The following ACSF3 variants were observed in gnomAD, a reference collection of about 807,000 sequenced individuals.
ACSF3 encodes acyl-CoA synthetase family member 3, also known as malonate--CoA ligase ACSF3, mitochondrial.
A neutral mutation model predicts 53.2 loss-of-function variants in ACSF3; 78 were observed. The observed-to-expected ratio is 1.47, with a 90% CI of 1.22 to 1.77. The LOEUF (loss-of-function observed/expected upper bound fraction) is 1.77, where lower values mean the gene tolerates loss of function less well. Ranked by LOEUF, ACSF3 falls within the 40% of genes most tolerant of loss-of-function variation. ACSF3 has a pLI of 0.00. For synonymous variants in ACSF3, 414 were observed against 333.1 expected (o/e 1.24, Z -2.65); for missense variants, 937 against 771.1 (o/e 1.22, Z -2.55).
chr16:89,112,491 C>T (rs1312074187), intron 5 of ACSF3, among the ~76,000 whole-genome samples: 3 of 152,106 alleles, frequency 2.0e-5, no homozygotes, highest in African/African-American at 4.8e-5. Flanking sequence ...GTATCGCTCT[C>T]TCTGTCACAC....
chr16:89,099,256 C>T, intron 2 of ACSF3, among the ~76,000 whole-genome samples: 1 of 152,232 alleles, frequency 6.6e-6, no homozygotes, highest in East Asian at 1.9e-4. Context: ...TTGGACCAGC[C>T]CTCACGCGTC....
intron 8 of ACSF3, 144 bp from the exon 9 acceptor site, chr16:89,145,123 G>T: frequency 1.9e-6 from 3 of 1,598,352 alleles, no homozygotes; most frequent in Non-Finnish European, 2.6e-6. Flanking sequence ...CTCCGTTGGG[G>T]TTGCCACAGG....
chr16:89,133,914 G>C (rs1909862566), intron 8 of ACSF3, among the ~76,000 whole-genome samples: 1 of 152,198 alleles, frequency 6.6e-6, no homozygotes, highest in Non-Finnish European at 1.5e-5. Context: ...GAGCCTGCTG[G>C]CAGCCCCCAC....
At chr16:89,116,853 C>G (rs1905210236) in intron 6 of ACSF3, among the ~76,000 whole-genome samples, 1 of 152,178 alleles carries the variant, frequency 6.6e-6, no homozygotes, top group African/African-American at 2.4e-5. Context: ...TCTGGGCTGA[C>G]TCGCGCATCT....
chr16:89,094,978 C>T (rs900167399), intron 1 of ACSF3, among the ~76,000 whole-genome samples: 1 of 152,214 alleles, frequency 6.6e-6, no homozygotes, highest in Non-Finnish European at 1.5e-5. Context: ...AAAGGGAACA[C>T]GTTTAGAGAT....
chr16:89,098,609 G>A lies in ACSF3; in HGVS notation c.-175G>A. 2 of 452,480 alleles carry A rather than the reference G, an allele frequency of 4.4e-6. No homozygotes were observed. The highest frequency in any genetic ancestry group is 8.9e-6 in the Non-Finnish European group (2 of 225,320). 28.0% of individuals were successfully genotyped at this position (452,480 alleles called of 1,614,324 possible). ...TTGACAGGTGTCCCACCGGCCTTCC[G>A]GGTTCCAGCGCCAGGCCTGGTGCCT... On this transcript the variant is annotated 5_prime_UTR_variant, in exon 2 of 11. Transcript: ENST00000614302.
intron 2 of ACSF3, among the ~76,000 whole-genome samples, chr16:89,100,187 T>C (rs931691128): frequency 2.6e-5 from 4 of 152,102 alleles, no homozygotes; most frequent in Admixed American, 1.3e-4. Context: ...TGCGCACCAG[T>C]GTGGGAAGGG....
intron 8 of ACSF3, chr16:89,145,063 G>T (rs1567745391): frequency 7.1e-7 from 1 of 1,416,386 alleles, no homozygotes; most frequent in East Asian, 2.5e-5. Flanking sequence ...CCCACCTTGG[G>T]ACGCACGTCG....
intron 7 of ACSF3, among the ~76,000 whole-genome samples, chr16:89,128,175 G>A (rs572558475): frequency 1.1e-4 from 17 of 151,586 alleles, no homozygotes; most frequent in Non-Finnish European, 1.9e-4. Flanking sequence ...TTTATAATGT[G>A]TACATTTAAT....
In ACSF3 at chr16:89,154,431, G is replaced by A; in HGVS notation, c.*224G>A. On this transcript the variant is annotated 3_prime_UTR_variant, in exon 11 of 11. Coordinates refer to ENST00000614302, the MANE Select transcript of ACSF3 (RefSeq NM_001243279.3). ...ACCGTCCCTGGTGTCACCTCTGCCT[G>A]GTCACCGCCGACCTCATCTGTGCAG... The A allele has an allele frequency of 3.0e-6, 2 of 662,928 alleles. No homozygotes were observed. The allele number at this position is 662,928 out of a possible 1,614,324, so 41.1% of individuals were successfully genotyped here.
At chr16:89,120,353 C>T (rs897443465) in intron 6 of ACSF3, among the ~76,000 whole-genome samples, 4 of 152,248 alleles carry the variant, frequency 2.6e-5, no homozygotes, top group African/African-American at 9.6e-5. Context: ...GTGCCGGGCA[C>T]ACACAGGTCC....
intron 5 of ACSF3, 123 bp from the exon 6 acceptor site, chr16:89,114,216 C>T: frequency 7.4e-7 from 1 of 1,350,856 alleles, no homozygotes; most frequent in Non-Finnish European, 1.0e-6. Flanking sequence ...GGGGCTCCTG[C>T]ACTCGTGAAG....
chr16:89,125,698 A>AAGAGAGAGAGAG (rs56085364), intron 7 of ACSF3, among the ~76,000 whole-genome samples: 28 of 147,968 alleles, frequency 1.9e-4, no homozygotes, highest in Middle Eastern at 3.5e-3. Context: ...CAAAAAAAAA[A>AAGAGAGAGAGAG]AGAGAGAGAG....
At chr16:89,144,102 C>G (rs901542548) in intron 8 of ACSF3, among the ~76,000 whole-genome samples, 1 of 152,242 alleles carries the variant, frequency 6.6e-6, no homozygotes. Context: ...GCTGCACACA[C>G]GCTCGCAGGC....
intron 8 of ACSF3, among the ~76,000 whole-genome samples, chr16:89,143,505 C>T (rs1912287266): frequency 1.3e-5 from 2 of 152,178 alleles, no homozygotes; most frequent in Admixed American, 1.3e-4. Context: ...GGGGCAGGAG[C>T]AGCCTGGACG....
intron 1 of ACSF3, among the ~76,000 whole-genome samples, chr16:89,096,007 C>G (rs930730447): frequency 2.0e-5 from 3 of 152,196 alleles, no homozygotes; most frequent in African/African-American, 7.2e-5. Context: ...GCCCCAGTGC[C>G]TTAGTGGTCT....
At chr16:89,136,702 C>T in intron 8 of ACSF3, 3 of 1,287,126 alleles carry the variant, frequency 2.3e-6, no homozygotes, top group Non-Finnish European at 3.0e-6. Context: ...AGCTTTGATG[C>T]CAGCCGCTCC....
intron 10 of ACSF3, among the ~76,000 whole-genome samples, chr16:89,146,516 C>G (rs1364832509): frequency 6.6e-6 from 1 of 152,218 alleles, no homozygotes; most frequent in Non-Finnish European, 1.5e-5. Flanking sequence ...AAGGCCCACC[C>G]ATTCTCCGTC....
At chr16:89,120,130 C>T (rs1015514570) in intron 6 of ACSF3, among the ~76,000 whole-genome samples, 3 of 152,174 alleles carry the variant, frequency 2.0e-5, no homozygotes, top group African/African-American at 4.8e-5. Context: ...CGTGTGCCGG[C>T]GGGACACGTC....
Sources: gnomAD v4.1 joint callset for allele counts (sites outside exome capture counted in the v4.1 genomes callset) on GRCh38, gnomAD v4.1.1 for gene constraint, MANE v1.5 for transcripts, NCBI Gene and HGNC (gene_info 2026-07-23, HGNC 2026-07-21) for gene names.